The following UNC5C variants were observed in gnomAD, a reference collection of about 807,000 sequenced individuals.
UNC5C encodes the protein unc-5 netrin receptor C.
A neutral mutation model predicts 99.8 loss-of-function variants in UNC5C; 47 were observed. The observed-to-expected ratio is 0.47, with a 90% CI of 0.37 to 0.60. The LOEUF is 0.60. Among genes scored for constraint, UNC5C ranks in the 20% least tolerant of loss-of-function variants. UNC5C has a pLI of 0.00. For missense variants in UNC5C, 1,062 were observed against 1,165.9 expected (o/e 0.91, Z 1.30); for synonymous variants, 487 against 452.2 (o/e 1.08, Z -0.98).
intron 2 of UNC5C, among the ~76,000 whole-genome samples, chr4:95,320,688 C>T (rs1309232316): frequency 5.3e-5 from 8 of 152,150 alleles, no homozygotes; most frequent in African/African-American, 7.2e-5. Context: ...GGATGAAGAA[C>T]GGTCCTTGGA....
intron 3 of UNC5C, among the ~76,000 whole-genome samples, chr4:95,289,777 A>G (rs1052594307): frequency 6.6e-6 from 1 of 152,164 alleles, no homozygotes; most frequent in Non-Finnish European, 1.5e-5. Context: ...ACTGCTGTGA[A>G]CCAAACAGTG....
intron 3 of UNC5C, among the ~76,000 whole-genome samples, chr4:95,300,279 C>T (rs1741820790): frequency 6.6e-6 from 1 of 152,212 alleles, no homozygotes. Context: ...CTCCTTCTCC[C>T]TCGTGGTGAT....
intron 1 of UNC5C, among the ~76,000 whole-genome samples, chr4:95,482,542 A>G (rs1721192687): frequency 6.7e-6 from 1 of 149,430 alleles, no homozygotes; most frequent in Non-Finnish European, 1.5e-5. Context: ...TCATGCTGCT[A>G]TAAAGACACA....
intron 12 of UNC5C, among the ~76,000 whole-genome samples, chr4:95,201,840 G>A (rs547626229): frequency 6.8e-4 from 103 of 152,152 alleles, no homozygotes; most frequent in Middle Eastern, 6.8e-3. Context: ...TCCTGACCTC[G>A]TGATCCACCC....
At chr4:95,370,379 G>C (rs1744708459) in intron 1 of UNC5C, among the ~76,000 whole-genome samples, 1 of 151,886 alleles carries the variant, frequency 6.6e-6, no homozygotes, top group African/African-American at 2.4e-5. Flanking sequence ...GCATCATCTA[G>C]AGAGAAAGTT....
chr4:95,425,894 T>A (rs1746470223), intron 1 of UNC5C, among the ~76,000 whole-genome samples: 1 of 152,218 alleles, frequency 6.6e-6, no homozygotes, highest in Admixed American at 6.5e-5. Flanking sequence ...ATGTTTTAAA[T>A]TTTTATTATA....
Position 95,206,705 on chromosome 4 carries a change from T to G in UNC5C, c.1825A>C (p.Met609Leu), listed in dbSNP as rs370003428. Residue 609 changes from methionine to leucine, a missense_variant, in exon 11 of 16, where the codon ATG becomes CTG. Coordinates refer to ENST00000453304, the MANE Select transcript of UNC5C (RefSeq NM_003728.4). ...GTATTGGGGTCTGCGCAGTGATGCA[T>G]AGTGAGGACGACTGGGCGGGTGAGC... ...ALLTRPVVLT[M>L]HHCADPNTED... 11 of 1,614,038 alleles carry G rather than the reference T, an allele frequency of 6.8e-6. No individual in the cohort carries two copies. Among genetic ancestry groups the G allele is most frequent in the Non-Finnish European group, 9.3e-6 (11 of 1,180,006 alleles).
chr4:95,370,292 A>G (rs557419044), intron 1 of UNC5C, among the ~76,000 whole-genome samples: 1 of 152,182 alleles, frequency 6.6e-6, no homozygotes, highest in African/African-American at 2.4e-5. Flanking sequence ...ACTAAGATTA[A>G]TTTCATTTGT....
intron 1 of UNC5C, among the ~76,000 whole-genome samples, chr4:95,479,413 T>A (rs1470199622): frequency 6.6e-6 from 1 of 152,080 alleles, no homozygotes; most frequent in East Asian, 1.9e-4. Flanking sequence ...GCAAGAGATA[T>A]GTTTCCTTAG....
chr4:95,477,913 C>A (rs542742885), intron 1 of UNC5C, among the ~76,000 whole-genome samples: 1 of 151,948 alleles, frequency 6.6e-6, no homozygotes, highest in Non-Finnish European at 1.5e-5. Flanking sequence ...AATGAGGTAG[C>A]CTGTCTCTGG....
intron 1 of UNC5C, among the ~76,000 whole-genome samples, chr4:95,536,062 A>C (rs1014126583): frequency 1.0e-5 from 1 of 97,556 alleles, no homozygotes; most frequent in Non-Finnish European, 2.2e-5. Context: ...ACATACATAC[A>C]TATATATATA....
intron 1 of UNC5C, among the ~76,000 whole-genome samples, chr4:95,495,265 T>C (rs1349885085): frequency 1.3e-5 from 2 of 151,682 alleles, no homozygotes; most frequent in African/African-American, 2.4e-5. Context: ...TCAACAGCAC[T>C]ATATTCCTTT....
chr4:95,412,085 T>C (rs1746008717), intron 1 of UNC5C, among the ~76,000 whole-genome samples: 1 of 151,996 alleles, frequency 6.6e-6, no homozygotes, highest in Non-Finnish European at 1.5e-5. Flanking sequence ...CTGGTTGGCA[T>C]AGTGTCCTGC....
intron 14 of UNC5C, among the ~76,000 whole-genome samples, chr4:95,177,366 G>A (rs567064896): frequency 7.9e-5 from 12 of 152,016 alleles, no homozygotes; most frequent in Non-Finnish European, 1.6e-4. Flanking sequence ...TTCCTGCTGA[G>A]TGCTCAGCTC....
At chr4:95,407,649 G>A (rs943472436) in intron 1 of UNC5C, among the ~76,000 whole-genome samples, 3 of 152,180 alleles carry the variant, frequency 2.0e-5, no homozygotes, top group African/African-American at 7.2e-5. Context: ...GAGGCACAAA[G>A]AGACAAGTTA....
chr4:95,340,117 CATT>C (rs1392434493), intron 1 of UNC5C, among the ~76,000 whole-genome samples: 1 of 152,008 alleles, frequency 6.6e-6, no homozygotes, highest in Non-Finnish European at 1.5e-5. Context: ...TATAGACTTT[CATT>C]CCACCTAATT....
intron 1 of UNC5C, among the ~76,000 whole-genome samples, chr4:95,386,891 G>A (rs1177512492): frequency 6.6e-6 from 1 of 151,962 alleles, no homozygotes; most frequent in Non-Finnish European, 1.5e-5. Context: ...ACATTCATAT[G>A]GGTTATAATA....
At chr4:95,261,759 G>A (rs902194550) in intron 4 of UNC5C, among the ~76,000 whole-genome samples, 14 of 150,780 alleles carry the variant, frequency 9.3e-5, no homozygotes, top group East Asian at 7.9e-4. Context: ...GCTGGAGTGC[G>A]GTGGCGCGAT....
chr4:95,177,152 T>C (rs2149347324), intron 14 of UNC5C, among the ~76,000 whole-genome samples: 1 of 152,262 alleles, frequency 6.6e-6, no homozygotes, highest in Middle Eastern at 3.4e-3. Context: ...TGGCACTCCC[T>C]AGTGAGATGA....
Sources: allele counts gnomAD v4.1 joint callset (sites outside exome capture counted in the v4.1 genomes callset), GRCh38; gene constraint gnomAD v4.1.1; transcripts MANE v1.5; gene names NCBI Gene and HGNC (gene_info 2026-07-23, HGNC 2026-07-21).